TMEM50B: variants seen among roughly 807,000 people sequenced by gnomAD.
TMEM50B encodes the protein HCV p7-trans-regulated protein 3.
TMEM50B carries 14 observed loss-of-function variants against 23.4 expected under a neutral mutation model. The observed-to-expected ratio is 0.60, with a 90% confidence interval of 0.39 to 0.93. The LOEUF (loss-of-function observed/expected upper bound fraction) is 0.93. Ranked by LOEUF, TMEM50B falls within the 40% of genes least tolerant of loss-of-function variation. The pLI is 0.00. For missense variants in TMEM50B, 159 were observed against 193.0 expected (o/e 0.82, Z 1.04); for synonymous variants, 64 against 62.3 (o/e 1.03, Z -0.13).
chr21:33,475,451 A>G (rs1262874199), intron 1 of TMEM50B, among the ~76,000 whole-genome samples: 1 of 151,950 alleles, frequency 6.6e-6, no homozygotes, highest in Non-Finnish European at 1.5e-5. Context: ...GGATTCAAGC[A>G]GTTATCTGCC....
chr21:33,444,803 C>CAAAAAAAAAAAAAAA (rs60816843), downstream of TMEM50B, among the ~76,000 whole-genome samples: 14 of 96,268 alleles, frequency 1.5e-4, no homozygotes, highest in East Asian at 3.1e-4. Context: ...CATCTCTTTA[C>CAAAAAAAAAAAAAAA]AAAAAAAAAA....
At chr21:33,462,707 T>C (rs898109490) in intron 4 of TMEM50B, among the ~76,000 whole-genome samples, 1 of 152,110 alleles carries the variant, frequency 6.6e-6, no homozygotes, top group Non-Finnish European at 1.5e-5. Flanking sequence ...CACAGCAATG[T>C]CCGTGGAATA....
At chr21:33,443,672 G>C (rs12626735) in intron 7 of TMEM50B, among the ~76,000 whole-genome samples, 28,278 of 152,106 alleles carry the variant, frequency 0.19, 3,210 homozygotes, top group Non-Finnish European at 0.24. Flanking sequence ...GTAATCTGAA[G>C]AATTTGAATA....
At chr21:33,475,507 C>T (rs1156521413) in intron 1 of TMEM50B, among the ~76,000 whole-genome samples, 3 of 151,948 alleles carry the variant, frequency 2.0e-5, no homozygotes, top group South Asian at 2.1e-4. Flanking sequence ...TCACCAGGCC[C>T]GGCTACTTTT....
chr21:33,467,164 C>G (rs763000240), intron 2 of TMEM50B, 42 bp from the exon 3 acceptor site: 1 of 1,497,378 alleles, frequency 6.7e-7, no homozygotes, highest in African/African-American at 1.4e-5. Flanking sequence ...AAAACTCTTG[C>G]TAGCACAATA....
intron 1 of TMEM50B, among the ~76,000 whole-genome samples, chr21:33,478,228 A>G (rs2084392176): frequency 6.6e-6 from 1 of 152,098 alleles, no homozygotes; most frequent in Non-Finnish European, 1.5e-5. Flanking sequence ...GTACTTTCAG[A>G]GACCGAGGCA....
intron 4 of TMEM50B, among the ~76,000 whole-genome samples, 172 bp from the exon 5 acceptor site, chr21:33,460,677 A>C (rs1421227723): frequency 3.9e-5 from 6 of 151,928 alleles, no homozygotes; most frequent in Non-Finnish European, 5.9e-5. Context: ...TAAAAAAAAA[A>C]CACTAAAAGA....
intron 5 of TMEM50B, 147 bp from the exon 6 acceptor site, chr21:33,455,931 A>G (rs1348705987): frequency 6.9e-6 from 5 of 720,216 alleles, no homozygotes; most frequent in Admixed American, 6.5e-5. Context: ...TGAAACTGAA[A>G]GAAGAAAATG....
At chr21:33,447,713 CACACACAT>C (rs770883648), downstream of TMEM50B, among the ~76,000 whole-genome samples, 95 of 116,810 alleles carry the variant, frequency 8.1e-4, no homozygotes, top group Admixed American at 5.4e-4. Context: ...CACACACACA[CACACACAT>C]ATATATATAT....
chr21:33,432,916 T>TG, intron 8 of TMEM50B: 2 of 1,506,276 alleles, frequency 1.3e-6, no homozygotes, highest in Non-Finnish European at 1.8e-6. Context: ...GACAGGGTCT[T>TG]GCTCTGTTGC....
chr21:33,437,341 G>A (rs531280574), intron 8 of TMEM50B: 22 of 252,284 alleles, frequency 8.7e-5, no homozygotes, highest in African/African-American at 3.6e-4. Context: ...CAAATGAGCC[G>A]GAGCCCCTTG....
At chr21:33,439,238 A>G (rs1165204147) in exon 8 of TMEM50B, 1 of 152,190 alleles carries the variant, frequency 6.6e-6, no homozygotes, top group Non-Finnish European at 1.5e-5. Context: ...GAAATCGGAG[A>G]CAGAAGAGCT....
chr21:33,468,963 A>C (rs552250809), intron 1 of TMEM50B, 37 bp from the exon 2 acceptor site: 1 of 1,156,908 alleles, frequency 8.6e-7, no homozygotes, highest in African/African-American at 1.5e-5. Context: ...CAACCTAAGA[A>C]AATGTTTTCT....
At position 33,450,966 on chromosome 21, in the gene TMEM50B, T is replaced by C. The variant is rs141492268; in HGVS notation, c.432-103A>G. 9.6e-6 allele frequency: 9 copies of C among 933,260 alleles called. No individual in the cohort carries two copies. The Admixed American group carries it at 2.3e-4, about 24-fold the overall frequency. The allele number at this position is 933,260 out of a possible 1,614,324, so 57.8% of individuals were successfully genotyped here. A position where few individuals can be genotyped will look rare whatever the true frequency, so the allele number is the denominator to read the frequency against. ...TTGACAGGTACTTCACTGATTCCTA[T>C]CAATTTTAAAAATTAAATTAGACAT... On this transcript the variant is annotated intron_variant, in intron 6 of 6. Coordinates refer to ENST00000542230, the MANE Select transcript of TMEM50B (RefSeq NM_006134.7).
intron 1 of TMEM50B, among the ~76,000 whole-genome samples, chr21:33,475,803 A>C (rs1471311868): frequency 6.6e-6 from 1 of 152,132 alleles, no homozygotes; most frequent in African/African-American, 2.4e-5. Context: ...AAATACAAAA[A>C]ATCAGCTGGG....
chr21:33,439,513 G>C (rs2083989654), intron 7 of TMEM50B, among the ~76,000 whole-genome samples: 1 of 151,746 alleles, frequency 6.6e-6, no homozygotes, highest in South Asian at 2.1e-4. Flanking sequence ...CAGAGTAGCT[G>C]GGATTACAGA....
chr21:33,479,253 A>G (rs2084403566), intron 1 of TMEM50B: 1 of 158,056 alleles, frequency 6.3e-6, no homozygotes, highest in African/African-American at 2.4e-5. Context: ...CTCAAGGTTT[A>G]TAATTCTCGA....
intron 1 of TMEM50B, among the ~76,000 whole-genome samples, chr21:33,469,286 C>T (rs2084291328): frequency 6.6e-6 from 1 of 152,028 alleles, no homozygotes; most frequent in South Asian, 2.1e-4. Context: ...CTTGTCTCTA[C>T]TAAAAATACA....
At chr21:33,435,503 C>T (rs929163308) in intron 8 of TMEM50B, among the ~76,000 whole-genome samples, 16 of 152,112 alleles carry the variant, frequency 1.1e-4, no homozygotes, top group African/African-American at 3.9e-4. Flanking sequence ...GAGTTTTGCC[C>T]TTTTAAACTC....
Sources: allele counts gnomAD v4.1 joint callset (sites outside exome capture counted in the v4.1 genomes callset), GRCh38; gene constraint gnomAD v4.1.1; transcripts MANE v1.5; gene names NCBI Gene and HGNC (gene_info 2026-07-23, HGNC 2026-07-21).